The following MYO7A variants were observed in gnomAD, a reference collection of about 807,000 sequenced individuals.
The protein encoded by MYO7A is unconventional myosin-VIIa.
Under a neutral mutation model 263.8 loss-of-function variants are expected in MYO7A, and 210 were observed. The observed-to-expected ratio is 0.80, with a 90% CI of 0.71 to 0.89. The LOEUF is 0.89. Among genes scored for constraint, MYO7A ranks in the 40% least tolerant of loss-of-function variants. The pLI is 0.00. For synonymous variants in MYO7A, 1,239 were observed against 1,197.3 expected, an observed-to-expected ratio of 1.03 and a Z score of -0.72; for missense variants, 2,820 against 2,968.3, an observed-to-expected ratio of 0.95 and a Z score of 1.16.
At chr11:77,170,673 G>A (rs956774575) in intron 15 of MYO7A, among the ~76,000 whole-genome samples, 4 of 152,074 alleles carry the variant, frequency 2.6e-5, no homozygotes, top group Admixed American at 1.3e-4. Context: ...TGTGGCTCTC[G>A]GCTGTCCCAC....
chr11:77,195,290 C>T (rs1956559648), intron 32 of MYO7A, among the ~76,000 whole-genome samples: 1 of 152,120 alleles, frequency 6.6e-6, no homozygotes, highest in Non-Finnish European at 1.5e-5. Context: ...CGCCAGCCTG[C>T]TTCCCCCGAG....
chr11:77,156,338 C>G (rs1591267250), intron 5 of MYO7A, among the ~76,000 whole-genome samples: 1 of 152,224 alleles, frequency 6.6e-6, no homozygotes, highest in African/African-American at 2.4e-5. Context: ...ACTGCTGGTT[C>G]CTGTTAAGTT....
chr11:77,210,249 C>T (rs1957770647), intron 44 of MYO7A, among the ~76,000 whole-genome samples: 1 of 152,158 alleles, frequency 6.6e-6, no homozygotes. Context: ...CTTAAAGGGC[C>T]TGGCTCATAG....
chr11:77,179,050 A>G lies in MYO7A; in HGVS notation c.2288A>G (p.Asn763Ser). 4 of 1,605,248 alleles carry G rather than the reference A, an allele frequency of 2.5e-6. No individual in the cohort carries two copies. The highest frequency in any genetic ancestry group is 3.4e-6 in the Non-Finnish European group (4 of 1,176,514). ...KVIRGFKDRS[N>S]FLKLKNAATL... Reference sequence around the variant, plus strand: ...CGCCACTACTGCTGTTTCAGGTCTAACTTTCTGAAGCTGAAGAACGCTGCC... The same window carrying G: ...CGCCACTACTGCTGTTTCAGGTCTAGCTTTCTGAAGCTGAAGAACGCTGCC... Residue 763 changes from asparagine (N) to serine (S), a missense_variant, in exon 20 of 49, where the codon AAC (asparagine) becomes AGC (serine). Transcript: ENST00000409709.
chr11:77,191,947 C>A (rs981670284), intron 30 of MYO7A, 104 bp from the exon 31 acceptor site: 3 of 1,025,144 alleles, frequency 2.9e-6, no homozygotes, highest in Non-Finnish European at 4.3e-6. Context: ...CCCTGCCCCT[C>A]GCTGGGCCTC....
intron 4 of MYO7A, among the ~76,000 whole-genome samples, chr11:77,150,288 A>T (rs1951873146): frequency 1.3e-5 from 2 of 152,226 alleles, no homozygotes; most frequent in African/African-American, 4.8e-5. Flanking sequence ...CAGTGCAGGC[A>T]AGCCGGTCCT....
At chr11:77,166,497 C>T (rs1953562676) in intron 15 of MYO7A, among the ~76,000 whole-genome samples, 1 of 152,174 alleles carries the variant, frequency 6.6e-6, no homozygotes, top group Non-Finnish European at 1.5e-5. Flanking sequence ...AGAGCACATC[C>T]AGCTTGAAGG....
At position 77,198,592 on chromosome 11, in the gene MYO7A, C is replaced by T. The variant is rs780198980; in HGVS notation, c.4539C>T (p.Phe1513=). 11 of 1,613,876 alleles carry T rather than the reference C, an allele frequency of 6.8e-6. No homozygotes were observed. In the Admixed American group the frequency reaches 1.8e-4, roughly 27 times the overall value. The change falls in exon 34 of 49, where the codon TTC becomes TTT. Residue 1513 remains phenylalanine, a synonymous_variant. Coordinates refer to ENST00000409709, the MANE Select transcript of MYO7A (RefSeq NM_000260.4). ...AGCAGGTACTTCTGGAGCTGTCCTT[C>T]CCAGAGATCATGGCCGTGTCCAGCA... is the stretch of plus-strand genomic sequence containing the variant. ...EQEQVLLELS[F]PEIMAVSSSR... is the part of the protein sequence containing the mutation.
At chr11:77,191,620 A>G (rs2135570786) in intron 30 of MYO7A, among the ~76,000 whole-genome samples, 1 of 152,196 alleles carries the variant, frequency 6.6e-6, no homozygotes. Context: ...CGGAGGCTGG[A>G]GCCTCCTCGG....
At chr11:77,148,128 G>T (rs1320936666) in intron 4 of MYO7A, among the ~76,000 whole-genome samples, 178 bp downstream of exon 4, 2 of 152,182 alleles carry the variant, frequency 1.3e-5, no homozygotes, top group East Asian at 1.9e-4. Flanking sequence ...GCCGGCAGCC[G>T]CTCGGCGGGG....
chr11:77,201,376 G>C, intron 35 of MYO7A, 72 bp from the exon 36 acceptor site: 1 of 1,469,898 alleles, frequency 6.8e-7, no homozygotes, highest in South Asian at 1.2e-5. Context: ...TAACACCTCA[G>C]TTCTTCTGTG....
In MYO7A at chr11:77,197,536, G is replaced by A. The variant is rs746713762; in HGVS notation, c.4379G>A (p.Ser1460Asn). The change falls in exon 33 of 49, where the codon AGT (serine) becomes AAT (asparagine). Residue 1460 changes from serine (S) to asparagine (N), a missense_variant. Physicochemically the swap from Ser to Asn is conservative, Grantham distance 46 (BLOSUM62 1). Transcript: ENST00000409709. ...CAGAAGGTCAAAGAGGATGTGGTCA[G>A]TTATGCCCGCTTCAAGTGGCCCTTG... Reference protein sequence around the residue: ...DAQKVKEDVVSYARFKWPLLF... With the variant: ...DAQKVKEDVVNYARFKWPLLF... 1.9e-6 allele frequency: 3 copies of A among 1,608,700 alleles called. No homozygotes were observed. Among genetic ancestry groups the A allele is most frequent in the Non-Finnish European group, 2.5e-6 (3 of 1,177,556 alleles).
Position 77,156,080 on chromosome 11 carries a change from C to T in MYO7A, c.459C>T (p.Cys153=), listed in dbSNP as rs1555061895. The part of the protein sequence containing the change: ...FNMKRNSRDQ[C]CIISGESGAG... ...TGAAACGCAACAGCCGAGACCAGTGCTGCATCATCAGGTGGGCGGCCCAGC... is the reference window on the plus strand; with the variant it reads ...TGAAACGCAACAGCCGAGACCAGTGTTGCATCATCAGGTGGGCGGCCCAGC... Residue 153 remains cysteine, a synonymous_variant, in exon 5 of 49, where the codon TGC becomes TGT. Coordinates refer to ENST00000409709, the MANE Select transcript of MYO7A (RefSeq NM_000260.4). 1 of 1,613,868 alleles carries T rather than the reference C, an allele frequency of 6.2e-7. No homozygotes were observed. The highest frequency in any genetic ancestry group is 8.5e-7 in the Non-Finnish European group (1 of 1,179,880).
At chr11:77,207,700 TTGAC>T (rs1275850901) in intron 42 of MYO7A, among the ~76,000 whole-genome samples, 3 of 152,236 alleles carry the variant, frequency 2.0e-5, no homozygotes, top group Non-Finnish European at 4.4e-5. Context: ...CATATTTGCT[TTGAC>T]TGGCCCTTAA....
intron 48 of MYO7A, among the ~76,000 whole-genome samples, chr11:77,214,401 TG>T (rs1399364126): frequency 6.6e-6 from 1 of 152,184 alleles, no homozygotes; most frequent in Non-Finnish European, 1.5e-5. Context: ...GGGCTTAATG[TG>T]GGGTCATAAC....
intron 29 of MYO7A, 108 bp downstream of exon 29, chr11:77,190,247 T>G: frequency 8.8e-7 from 1 of 1,142,754 alleles, no homozygotes; most frequent in Non-Finnish European, 1.2e-6. Context: ...TTCCCTGCTT[T>G]GAGATTCTGT....
chr11:77,182,192 G>T (rs200054831), intron 24 of MYO7A, 38 bp downstream of exon 24: 2 of 1,609,204 alleles, frequency 1.2e-6, no homozygotes, highest in Non-Finnish European at 1.7e-6. Context: ...GCTGGGTGGG[G>T]CCAGGGCTGG....
chr11:77,184,536 G>A, intron 26 of MYO7A, 52 bp from the exon 27 acceptor site: 3 of 1,501,890 alleles, frequency 2.0e-6, no homozygotes, highest in Non-Finnish European at 2.7e-6. Flanking sequence ...TGCCCTGGCT[G>A]GCAGGGGAAC....
At chr11:77,146,696 T>G (rs1293280883) in intron 3 of MYO7A, among the ~76,000 whole-genome samples, 1 of 152,054 alleles carries the variant, frequency 6.6e-6, no homozygotes, top group Non-Finnish European at 1.5e-5. Context: ...TCAGCGAGTC[T>G]CAGGGCCTGA....
Sources: allele counts gnomAD v4.1 joint callset (sites outside exome capture counted in the v4.1 genomes callset), GRCh38; gene constraint gnomAD v4.1.1; transcripts MANE v1.5; gene names NCBI Gene and HGNC (gene_info 2026-07-23, HGNC 2026-07-21).